Variants in SCHIP1 observed in about 807,000 individuals in gnomAD.
The protein encoded by SCHIP1 is schwannomin interacting protein 1.
A neutral mutation model predicts 29.7 loss-of-function variants in SCHIP1; 8 were observed. The ratio of observed to expected loss-of-function variants is 0.27; its 90% CI spans 0.16 to 0.49. The LOEUF (loss-of-function observed/expected upper bound fraction) is 0.49. Among genes scored for constraint, SCHIP1 ranks in the 20% least tolerant of loss-of-function variants. The probability of loss-of-function intolerance (pLI) is 0.99; values close to 1 mark genes in which losing one functional copy is unlikely to be tolerated. For missense variants in SCHIP1, 193 were observed against 294.6 expected (o/e 0.66, Z 2.52); for synonymous variants, 76 against 94.9 (o/e 0.80, Z 1.16).
At chr3:159,399,100 T>C in the SCHIP1 span, 4 of 212,290 alleles carry the variant, frequency 1.9e-5, no homozygotes, top group African/African-American at 9.4e-5. Flanking sequence ...ACACTCTGGA[T>C]TGGAGGCCTT....
At chr3:159,735,093 A>C in the SCHIP1 span, among the ~76,000 whole-genome samples, 1 of 152,152 alleles carries the variant, frequency 6.6e-6, no homozygotes, top group African/African-American at 2.4e-5. Context: ...CATAGTCTTA[A>C]AGAACAATAA....
the SCHIP1 span, among the ~76,000 whole-genome samples, chr3:159,681,262 T>C: frequency 1.3e-5 from 2 of 151,474 alleles, no homozygotes; most frequent in South Asian, 2.1e-4. Flanking sequence ...CTGCAGAAGA[T>C]TTGGATTTCC....
the SCHIP1 span, among the ~76,000 whole-genome samples, chr3:159,305,410 A>G: frequency 6.6e-6 from 1 of 151,718 alleles, no homozygotes; most frequent in Non-Finnish European, 1.5e-5. Flanking sequence ...TGATCTTCCC[A>G]CTCCATACCT....
chr3:159,378,264 A>T, the SCHIP1 span, among the ~76,000 whole-genome samples: 1 of 152,184 alleles, frequency 6.6e-6, no homozygotes, highest in Non-Finnish European at 1.5e-5. Flanking sequence ...GTAGAGCTGG[A>T]TCTTCCACTC....
At chr3:159,824,084 C>T in the SCHIP1 span, among the ~76,000 whole-genome samples, 49 of 152,296 alleles carry the variant, frequency 3.2e-4, no homozygotes, top group South Asian at 8.3e-4. Context: ...TATGAACGCC[C>T]AACCTTTAAT....
At chr3:159,699,134 A>G in the SCHIP1 span, among the ~76,000 whole-genome samples, 2 of 152,224 alleles carry the variant, frequency 1.3e-5, no homozygotes, top group Non-Finnish European at 2.9e-5. Flanking sequence ...GGAACATAGC[A>G]TGAGTATGGG....
At chr3:159,887,296 C>T (rs929413741) in intron 3 of SCHIP1, 4 of 166,990 alleles carry the variant, frequency 2.4e-5, no homozygotes, top group Admixed American at 1.1e-4. Flanking sequence ...CAAAGACCAA[C>T]AAAGAGGAAA....
chr3:159,650,438 C>A, the SCHIP1 span, among the ~76,000 whole-genome samples: 1,043 of 152,150 alleles, frequency 6.9e-3, 12 homozygotes, highest in African/African-American at 0.023. Flanking sequence ...ATTTAAAATA[C>A]TAGGTAGTGA....
the SCHIP1 span, among the ~76,000 whole-genome samples, chr3:159,491,780 T>C: frequency 6.6e-6 from 1 of 152,198 alleles, no homozygotes; most frequent in African/African-American, 2.4e-5. Context: ...CAGCTGGAGA[T>C]CTGAGAACAG....
the SCHIP1 span, among the ~76,000 whole-genome samples, chr3:159,597,128 A>G: frequency 6.6e-6 from 1 of 152,164 alleles, no homozygotes; most frequent in Non-Finnish European, 1.5e-5. Context: ...CAAACAGCCC[A>G]GGGCATGCAT....
At chr3:159,801,393 A>G in the SCHIP1 span, among the ~76,000 whole-genome samples, 2 of 152,208 alleles carry the variant, frequency 1.3e-5, no homozygotes, top group Non-Finnish European at 2.9e-5. Context: ...CATTAAATCC[A>G]TACTTACACC....
chr3:159,315,488 A>G, the SCHIP1 span, among the ~76,000 whole-genome samples: 1 of 150,324 alleles, frequency 6.7e-6, no homozygotes, highest in East Asian at 1.9e-4. Context: ...TCAGCCTCCC[A>G]AAGTGTTTAG....
chr3:159,460,582 A>G, the SCHIP1 span, among the ~76,000 whole-genome samples: 1 of 152,178 alleles, frequency 6.6e-6, no homozygotes, highest in African/African-American at 2.4e-5. Flanking sequence ...TGGTAAGGTA[A>G]TCAACATGTC....
the SCHIP1 span, among the ~76,000 whole-genome samples, chr3:159,526,366 G>T: frequency 6.6e-6 from 1 of 151,972 alleles, no homozygotes; most frequent in Non-Finnish European, 1.5e-5. Context: ...ACAGGTTTCA[G>T]TCTATGTTGC....
the SCHIP1 span, among the ~76,000 whole-genome samples, chr3:159,282,907 C>A: frequency 6.6e-6 from 1 of 151,530 alleles, no homozygotes; most frequent in Non-Finnish European, 1.5e-5. Context: ...CATATATTTT[C>A]ATGTTCTTGG....
At chr3:159,435,238 A>C in the SCHIP1 span, among the ~76,000 whole-genome samples, 2 of 152,146 alleles carry the variant, frequency 1.3e-5, no homozygotes, top group African/African-American at 2.4e-5. Flanking sequence ...GTTAAATGTG[A>C]TATTCCGTGT....
the SCHIP1 span, among the ~76,000 whole-genome samples, chr3:159,626,155 T>TCTAGATAGATAGATAGATAG: frequency 8.5e-6 from 1 of 117,106 alleles, no homozygotes; most frequent in Non-Finnish European, 1.5e-5. Flanking sequence ...TAGATATATA[T>TCTAGATAGATAGATAGATAG]ATATATCTAG....
chr3:159,508,239 C>A, the SCHIP1 span, among the ~76,000 whole-genome samples: 1 of 152,154 alleles, frequency 6.6e-6, no homozygotes, highest in Non-Finnish European at 1.5e-5. Context: ...TCTAGATTTT[C>A]TAGTTTATTT....
the SCHIP1 span, among the ~76,000 whole-genome samples, chr3:159,498,661 C>T: frequency 1.3e-5 from 2 of 151,634 alleles, no homozygotes; most frequent in Non-Finnish European, 2.9e-5. Flanking sequence ...CTAAGTCACA[C>T]TTTGCCTAAA....
Sources: gnomAD v4.1 joint callset for allele counts (sites outside exome capture counted in the v4.1 genomes callset) on GRCh38, gnomAD v4.1.1 for gene constraint, MANE v1.5 for transcripts, NCBI Gene and HGNC (gene_info 2026-07-23, HGNC 2026-07-21) for gene names.